MAML3: variants seen among roughly 807,000 people sequenced by gnomAD.
The protein encoded by MAML3 is mastermind like transcriptional coactivator 3, also known as mastermind-like protein 3.
A neutral mutation model predicts 101.9 loss-of-function variants in MAML3; 27 were observed. That is an observed-to-expected ratio of 0.27 (90% CI 0.20 to 0.37). MAML3 has a LOEUF of 0.37. Ranked by LOEUF, MAML3 falls within the 10% of genes least tolerant of loss-of-function variation. The pLI is 1.00. For synonymous variants in MAML3, 501 were observed against 555.9 expected (o/e 0.90, Z 1.39); for missense variants, 1,316 against 1,444.9 (o/e 0.91, Z 1.45).
Position 139,769,327 on chromosome 4 carries a change from CTCCTGAGA to C in MAML3, c.2080-38668_2080-38661del, listed in dbSNP as rs1729927071. Reference sequence around the variant, plus strand: ...AGTAGAAGAAGAGTCAAAACACACTCTCCTGAGAACACATCTCAGGTGCATGGAACACA... The same window carrying C: ...AGTAGAAGAAGAGTCAAAACACACTCACACATCTCAGGTGCATGGAACACA... On this transcript the variant is annotated intron_variant, in intron 2 of 4. Coordinates refer to ENST00000509479, the MANE Select transcript of MAML3 (RefSeq NM_018717.5). 2.0e-5 allele frequency among the ~76,000 whole-genome samples: 3 copies of C among 152,192 alleles called. No homozygotes were observed. The South Asian group carries it at 6.2e-4, about 32-fold the overall frequency.
rs182043638 is a variant in MAML3 at position 139,845,059 on chromosome 4, T to A, written c.2079+44298A>T. Among the ~76,000 whole-genome samples, 114 of 152,288 alleles carry A rather than the reference T, an allele frequency of 7.5e-4. 1 individual carries two copies. The highest frequency in any genetic ancestry group is 2.6e-3 in the African/African-American group (109 of 41,566). On this transcript the variant is annotated intron_variant, in intron 2 of 4. Transcript: ENST00000509479. ...CAACACAGCATCCCTTTTGATGAGA[T>A]AATGGGTGTTGACTTGCAGTCCAAT...
chr4:139,786,990 G>C (rs895621369), intron 2 of MAML3, among the ~76,000 whole-genome samples: 2 of 152,210 alleles, frequency 1.3e-5, no homozygotes, highest in African/African-American at 4.8e-5. Flanking sequence ...GCTGCAGTGG[G>C]AAATGCTGAA....
chr4:139,719,452 G>C lies in MAML3; in HGVS notation c.3288C>G (p.Tyr1096Ter). ...RNAPQDVSYN[Y>*]SGDGAGGSFP... is the part of the protein sequence containing the mutation. ...AGGAACCCCCAGCTCCGTCGCCACTGTAATTGTATGACACGTCCTGAGGGG... is the reference window on the plus strand; with the variant it reads ...AGGAACCCCCAGCTCCGTCGCCACTCTAATTGTATGACACGTCCTGAGGGG... The change falls in exon 5 of 5, where the codon TAC becomes TAG. Residue 1096 changes from tyrosine to a stop codon, truncating the protein, a stop_gained. Coordinates refer to ENST00000509479, the MANE Select transcript of MAML3 (RefSeq NM_018717.5). LOFTEE classifies it high-confidence loss of function. 1 of 1,614,014 alleles carries C rather than the reference G, an allele frequency of 6.2e-7. No individual in the cohort carries two copies. Among genetic ancestry groups the C allele is most frequent in the Non-Finnish European group, 8.5e-7 (1 of 1,179,898 alleles).
chr4:140,011,098 G>GAA (rs70943466), intron 1 of MAML3, among the ~76,000 whole-genome samples: 3 of 97,520 alleles, frequency 3.1e-5, no homozygotes, highest in African/African-American at 7.9e-5. Flanking sequence ...ACTCTGTCTC[G>GAA]AAAAAAAAAA....
intron 1 of MAML3, among the ~76,000 whole-genome samples, chr4:139,962,337 C>A (rs534260691): frequency 6.6e-6 from 1 of 152,256 alleles, no homozygotes; most frequent in South Asian, 2.1e-4. Context: ...ACAACTTGAT[C>A]TCATTGAAAT....
At chr4:140,146,992 G>T (rs1031253083) in intron 1 of MAML3, among the ~76,000 whole-genome samples, 1 of 151,924 alleles carries the variant, frequency 6.6e-6, no homozygotes, top group Non-Finnish European at 1.5e-5. Context: ...AATTAGCCAG[G>T]CGTGGTGGTA....
At chr4:140,046,086 T>C (rs1487618649) in intron 1 of MAML3, among the ~76,000 whole-genome samples, 1 of 152,216 alleles carries the variant, frequency 6.6e-6, no homozygotes, top group East Asian at 1.9e-4. Flanking sequence ...ATGGTCTAAA[T>C]ATTTCTAATT....
chr4:139,850,736 G>A (rs114819587), intron 2 of MAML3, among the ~76,000 whole-genome samples: 98 of 151,890 alleles, frequency 6.5e-4, no homozygotes, highest in East Asian at 2.3e-3. Flanking sequence ...AAAGACGGGC[G>A]TTTCACCATG....
chr4:140,091,746 C>A (rs1248139526), intron 1 of MAML3, among the ~76,000 whole-genome samples: 2 of 151,872 alleles, frequency 1.3e-5, no homozygotes, highest in African/African-American at 4.8e-5. Flanking sequence ...CTTATCAAGC[C>A]CAAACTAATC....
At chr4:140,060,684 T>G (rs1727432878) in intron 1 of MAML3, among the ~76,000 whole-genome samples, 1 of 152,212 alleles carries the variant, frequency 6.6e-6, no homozygotes, top group African/African-American at 2.4e-5. Flanking sequence ...AAATAGTGTT[T>G]GAATAACCAT....
At chr4:140,042,600 C>T (rs1194619647) in intron 1 of MAML3, among the ~76,000 whole-genome samples, 1 of 151,712 alleles carries the variant, frequency 6.6e-6, no homozygotes, top group Non-Finnish European at 1.5e-5. Flanking sequence ...CGCCACTGCA[C>T]TCCAGCCTGG....
intron 1 of MAML3, among the ~76,000 whole-genome samples, chr4:140,007,242 T>G (rs1726467707): frequency 1.3e-5 from 2 of 152,182 alleles, no homozygotes; most frequent in South Asian, 4.1e-4. Flanking sequence ...AACAAGAGGA[T>G]ACGTGATAAA....
chr4:139,833,938 G>T (rs1468150455), intron 2 of MAML3, among the ~76,000 whole-genome samples: 1 of 152,162 alleles, frequency 6.6e-6, no homozygotes, highest in African/African-American at 2.4e-5. Context: ...TTCCTGAAGA[G>T]TGGGAAGAAA....
chr4:140,134,307 A>G (rs1215903793), intron 1 of MAML3: 1 of 456,754 alleles, frequency 2.2e-6, no homozygotes, highest in African/African-American at 2.0e-5. Context: ...TCCCACACTC[A>G]AGGAACTTGT....
At chr4:139,905,622 A>G (rs1173663428) in intron 1 of MAML3, among the ~76,000 whole-genome samples, 1 of 152,130 alleles carries the variant, frequency 6.6e-6, no homozygotes, top group Admixed American at 6.6e-5. Flanking sequence ...CAAACAACAT[A>G]CATTAATTTT....
intron 1 of MAML3, among the ~76,000 whole-genome samples, chr4:139,997,122 T>TTA (rs1045133861): frequency 1.3e-4 from 20 of 149,496 alleles, no homozygotes; most frequent in East Asian, 5.8e-4. Context: ...AAAAAAATAT[T>TTA]TATATATATA....
intron 2 of MAML3, among the ~76,000 whole-genome samples, chr4:139,745,147 GGA>G (rs972816475): frequency 3.3e-5 from 5 of 152,174 alleles, no homozygotes; most frequent in Admixed American, 2.0e-4. Context: ...AAGGAAGGAA[GGA>G]GAGCGGCCAC....
intron 1 of MAML3, among the ~76,000 whole-genome samples, chr4:139,957,209 C>T (rs1487638161): frequency 1.3e-5 from 2 of 152,188 alleles, no homozygotes; most frequent in Admixed American, 6.5e-5. Context: ...TTGCAATGGG[C>T]TTTAGCCACA....
intron 1 of MAML3, among the ~76,000 whole-genome samples, chr4:140,006,579 C>T (rs1468911070): frequency 4.1e-5 from 5 of 120,556 alleles, no homozygotes; most frequent in African/African-American, 1.6e-4. Flanking sequence ...GAGCGAAACT[C>T]TGTCTCAAAA....
Sources: allele counts gnomAD v4.1 joint callset (sites outside exome capture counted in the v4.1 genomes callset), GRCh38; gene constraint gnomAD v4.1.1; transcripts MANE v1.5; gene names NCBI Gene and HGNC (gene_info 2026-07-23, HGNC 2026-07-21).